Variants in DSCAM observed in about 807,000 individuals in gnomAD.
DSCAM encodes DS cell adhesion molecule.
Under a neutral mutation model 217.7 loss-of-function variants are expected in DSCAM, and 47 were observed. That is an observed-to-expected ratio of 0.22 (90% CI 0.17 to 0.28). The LOEUF (loss-of-function observed/expected upper bound fraction) is 0.28. Among genes scored for constraint, DSCAM ranks in the 10% least tolerant of loss-of-function variants. The pLI, the probability that DSCAM is intolerant of heterozygous loss-of-function variation, is 1.00. For synonymous variants in DSCAM, 1,056 were observed against 1,015.3 expected (o/e 1.04, Z -0.76); for missense variants, 2,080 against 2,618.3 (o/e 0.79, Z 4.49).
At chr21:40,066,811 C>G (rs979786243) in intron 27 of DSCAM, among the ~76,000 whole-genome samples, 8 of 152,214 alleles carry the variant, frequency 5.3e-5, no homozygotes, top group African/African-American at 1.4e-4. Flanking sequence ...TCAGCCCTGT[C>G]AAAATGCAAA....
At chr21:40,135,423 C>G (rs1436372064) in intron 18 of DSCAM, among the ~76,000 whole-genome samples, 1 of 152,198 alleles carries the variant, frequency 6.6e-6, no homozygotes, top group Non-Finnish European at 1.5e-5. Context: ...TTTTGCAACC[C>G]ATTCATTTTA....
At chr21:40,370,421 CA>C (rs767014556) in intron 3 of DSCAM, among the ~76,000 whole-genome samples, 7 of 152,042 alleles carry the variant, frequency 4.6e-5, no homozygotes, top group Non-Finnish European at 1.0e-4. Flanking sequence ...ACTAAAATGC[CA>C]AATAATCAAC....
chr21:40,839,336 T>G (rs1366949076), intron 1 of DSCAM, among the ~76,000 whole-genome samples: 3 of 152,200 alleles, frequency 2.0e-5, no homozygotes, highest in Non-Finnish European at 4.4e-5. Flanking sequence ...TCTCAGTAAT[T>G]GCTTTATTAC....
intron 3 of DSCAM, among the ~76,000 whole-genome samples, chr21:40,505,675 G>T (rs545071876): frequency 1.3e-5 from 2 of 152,274 alleles, no homozygotes; most frequent in South Asian, 2.1e-4. Flanking sequence ...TGTTGCTAAG[G>T]TACAGGGTGG....
rs1000940526 is a variant in DSCAM, at chr21:40,167,159, G to A, written c.3018+59C>T. ...GTCTTGGTGTCATAACACTGAACAG[G>A]AGTGAAGGGCTCGCCCTGGGGGGAA... On this transcript the variant is annotated intron_variant, in intron 16 of 32. Transcript: ENST00000400454. 5.2e-5 allele frequency: 78 copies of A among 1,493,612 alleles called. 1 individual carries two copies. The highest frequency in any genetic ancestry group is 7.1e-5 in the Non-Finnish European group (76 of 1,071,706). The allele number at this position is 1,493,612 out of a possible 1,614,324, so 92.5% of individuals were successfully genotyped here.
chr21:40,504,233 G>A (rs908224052), intron 3 of DSCAM, among the ~76,000 whole-genome samples: 3 of 152,296 alleles, frequency 2.0e-5, no homozygotes, highest in African/African-American at 7.2e-5. Flanking sequence ...GAGGAGAGAG[G>A]AGGAAGAGGA....
intron 28 of DSCAM, among the ~76,000 whole-genome samples, chr21:40,060,577 T>A: frequency 1.4e-5 from 2 of 138,376 alleles, no homozygotes; most frequent in East Asian, 2.1e-4. Flanking sequence ...CGGGGTGGGG[T>A]AGGGGTGGGG....
intron 4 of DSCAM, among the ~76,000 whole-genome samples, chr21:40,355,200 T>C (rs2074678798): frequency 6.6e-6 from 1 of 152,138 alleles, no homozygotes; most frequent in Non-Finnish European, 1.5e-5. Context: ...CCACGTGCTA[T>C]GGGTGTGGAG....
At chr21:40,043,210 T>C (rs1400087792) in intron 31 of DSCAM, among the ~76,000 whole-genome samples, 1 of 152,218 alleles carries the variant, frequency 6.6e-6, no homozygotes, top group Non-Finnish European at 1.5e-5. Context: ...GATTACCCTT[T>C]ATGGGGACTA....
At chr21:40,392,881 T>A (rs1461793164) in intron 3 of DSCAM, among the ~76,000 whole-genome samples, 1 of 152,194 alleles carries the variant, frequency 6.6e-6, no homozygotes, top group Non-Finnish European at 1.5e-5. Flanking sequence ...GGTCAACTGT[T>A]AATCATGAAA....
At chr21:40,210,185 G>A (rs2091168201) in intron 11 of DSCAM, among the ~76,000 whole-genome samples, 1 of 152,116 alleles carries the variant, frequency 6.6e-6, no homozygotes, top group Non-Finnish European at 1.5e-5. Flanking sequence ...ATTACCTCCA[G>A]TTCTTCAAGT....
chr21:40,664,062 G>GC (rs1489593538), intron 3 of DSCAM, among the ~76,000 whole-genome samples: 1 of 152,170 alleles, frequency 6.6e-6, no homozygotes, highest in African/African-American at 2.4e-5. Context: ...TACAACATAT[G>GC]CACAAATAAT....
rs1174490998 is a variant in DSCAM at position 40,188,081 on chromosome 21, C to CCATG, written c.2554-98_2554-95dup. ...TCTCTCCACTCTTTCAGTTCTCCTG[C>CCATG]CATGCCAAGCACACACATAGGTACA... On this transcript the variant is annotated intron_variant, in intron 12 of 32. Transcript: ENST00000400454. The CCATG allele has an allele frequency of 4.7e-6, 4 of 847,786 alleles. No individual in the cohort carries two copies. In the East Asian group the frequency reaches 1.1e-4, roughly 22 times the overall value. The allele number at this position is 847,786 out of a possible 1,614,324, so 52.5% of individuals were successfully genotyped here.
rs549693696 is a variant in DSCAM at position 40,068,425 on chromosome 21, G to A, written c.4889-5526C>T. On this transcript the variant is annotated intron_variant, in intron 27 of 32. Coordinates refer to ENST00000400454, the MANE Select transcript of DSCAM (RefSeq NM_001389.5). The stretch of plus-strand genomic sequence containing the variant: ...TGCAAGCTAGAAGGAATATGTATAT[G>A]TGCCTCTCTCTGTATATAATATATA... 7.1e-4 allele frequency among the ~76,000 whole-genome samples: 108 copies of A among 152,250 alleles called. 1 individual carries two copies. The highest frequency in any genetic ancestry group is 6.5e-3 in the Admixed American group (99 of 15,294).
rs1284319297 is a variant in DSCAM, at chr21:40,498,668, C to CAT, written c.509-129425_509-129424dup. 7.3e-3 allele frequency among the ~76,000 whole-genome samples: 207 copies of CAT among 28,376 alleles called. 28 individuals are homozygous for CAT. Among genetic ancestry groups the CAT allele is most frequent in the East Asian group, 0.016 (14 of 874 alleles). The allele number at this position is 28,376 out of a possible 152,430, so 18.6% of individuals were successfully genotyped here. On this transcript the variant is annotated intron_variant, in intron 3 of 32. Coordinates refer to ENST00000400454, the MANE Select transcript of DSCAM (RefSeq NM_001389.5). Reference sequence around the variant, plus strand: ...TATAGTGTGTGTGTATATATATACCCATATATATATATATATATATATATA... The same window carrying CAT: ...TATAGTGTGTGTGTATATATATACCCATATATATATATATATATATATATATA...
chr21:40,190,038 T>C lies in DSCAM; in HGVS notation c.2357-800A>G, dbSNP rs75712371. 8.1e-4 allele frequency among the ~76,000 whole-genome samples: 124 copies of C among 152,336 alleles called. No individual in the cohort carries two copies. In the East Asian group the frequency reaches 0.021, roughly 25 times the overall value. On this transcript the variant is annotated intron_variant, in intron 11 of 32. Coordinates refer to ENST00000400454, the MANE Select transcript of DSCAM (RefSeq NM_001389.5). The stretch of plus-strand genomic sequence containing the variant: ...TTTCACAATGCCCATCTCCCACAGT[T>C]GTTATAAACCTTGCAAACCTTTATC...
At chr21:40,360,919 T>G (rs544810582) in intron 4 of DSCAM, among the ~76,000 whole-genome samples, 1 of 152,308 alleles carries the variant, frequency 6.6e-6, no homozygotes, top group South Asian at 2.1e-4. Flanking sequence ...AGGACTAAGT[T>G]ACTTTACCAC....
intron 16 of DSCAM, among the ~76,000 whole-genome samples, chr21:40,161,492 T>C (rs990018432): frequency 6.6e-6 from 1 of 152,196 alleles, no homozygotes. Flanking sequence ...TATGCATTAA[T>C]TTAACGCATA....
intron 1 of DSCAM, among the ~76,000 whole-genome samples, chr21:40,729,275 C>G (rs2090988663): frequency 6.6e-6 from 1 of 152,164 alleles, no homozygotes; most frequent in African/African-American, 2.4e-5. Context: ...GGATTTGGTG[C>G]TAGGTTGTCA....
Sources: gnomAD v4.1 joint callset for allele counts (sites outside exome capture counted in the v4.1 genomes callset) on GRCh38, gnomAD v4.1.1 for gene constraint, MANE v1.5 for transcripts, NCBI Gene and HGNC (gene_info 2026-07-23, HGNC 2026-07-21) for gene names.